The following ESRP1 variants were observed in gnomAD, a reference collection of about 807,000 sequenced individuals.
The protein encoded by ESRP1 is epithelial splicing regulatory protein 1.
Under a neutral mutation model 81.7 loss-of-function variants are expected in ESRP1, and 33 were observed. The observed-to-expected ratio is 0.40, with a 90% confidence interval of 0.31 to 0.54. ESRP1 has a LOEUF of 0.54. Among genes scored for constraint, ESRP1 ranks in the 20% least tolerant of loss-of-function variants. ESRP1 has a pLI of 0.41. For missense variants in ESRP1, 672 were observed against 833.1 expected, an observed-to-expected ratio of 0.81 and a Z score of 2.38; for synonymous variants, 320 against 303.3, an observed-to-expected ratio of 1.06 and a Z score of -0.57.
chr8:94,645,219 A>G (rs1259852238), intron 3 of ESRP1, among the ~76,000 whole-genome samples: 1 of 152,168 alleles, frequency 6.6e-6, no homozygotes, highest in Non-Finnish European at 1.5e-5. Context: ...GGTCACATCT[A>G]GTAAAATCCA....
intron 9 of ESRP1, among the ~76,000 whole-genome samples, chr8:94,665,891 A>G (rs79843367): frequency 3.6e-4 from 55 of 152,280 alleles, no homozygotes; most frequent in African/African-American, 1.2e-3. Flanking sequence ...TTTTTCTCTA[A>G]ACTTAACACA....
At chr8:94,679,721 G>T (rs1808796873) in intron 13 of ESRP1, among the ~76,000 whole-genome samples, 1 of 152,086 alleles carries the variant, frequency 6.6e-6, no homozygotes, top group South Asian at 2.1e-4. Context: ...GAGTATAGGA[G>T]TGTAGTGAGT....
Position 94,642,001 on chromosome 8 carries a change from C to T in ESRP1, c.178C>T (p.Leu60=), listed in dbSNP as rs777010885. The T allele has an allele frequency of 6.2e-7, 1 of 1,614,034 alleles. No homozygotes were observed. The highest frequency in any genetic ancestry group is 1.1e-5 in the South Asian group (1 of 91,090). Residue 60 remains leucine (L), a synonymous_variant, in exon 2 of 16, where the codon CTG becomes TTG. Coordinates refer to ENST00000433389, the MANE Select transcript of ESRP1 (RefSeq NM_017697.4). Reference sequence around the variant, plus strand: ...GCTAGTTAGACCGGATCAGTTGGAACTGACGGAGGACTGCAAAGAAGAAAC... The same window carrying T: ...GCTAGTTAGACCGGATCAGTTGGAATTGACGGAGGACTGCAAAGAAGAAAC... ...EVLVRPDQLE[L]TEDCKEETKI...
intron 13 of ESRP1, among the ~76,000 whole-genome samples, chr8:94,681,097 G>A (rs1041129239): frequency 6.6e-6 from 1 of 151,592 alleles, no homozygotes; most frequent in Non-Finnish European, 1.5e-5. Context: ...AGGCCAAGGT[G>A]GACGGATCAC....
rs9297944 is a variant in ESRP1 at position 94,657,472 on chromosome 8, C to CGTGTGTGTGTGTGT, written c.491-4781_491-4768dup. Reference sequence around the variant, plus strand: ...GAAACTGGCCTATTGAGGCTGTGTGCGTGTGTGTGTGTGTGTGTGTGTGTG... The same window carrying CGTGTGTGTGTGTGT: ...GAAACTGGCCTATTGAGGCTGTGTGCGTGTGTGTGTGTGTGTGTGTGTGTGTGTGTGTGTGTGTG... On this transcript the variant is annotated intron_variant, in intron 4 of 15. Transcript: ENST00000433389. Among the ~76,000 whole-genome samples, 660 of 146,262 alleles carry CGTGTGTGTGTGTGT rather than the reference C, an allele frequency of 4.5e-3. 7 individuals carry two copies. The highest frequency in any genetic ancestry group is 6.7e-3 in the African/African-American group (264 of 39,114).
At chr8:94,659,177 G>A (rs1349226228) in intron 4 of ESRP1, among the ~76,000 whole-genome samples, 1 of 151,988 alleles carries the variant, frequency 6.6e-6, no homozygotes, top group Non-Finnish European at 1.5e-5. Flanking sequence ...CACCGTGTCT[G>A]GCCAGTTTTG....
chr8:94,687,144 G>T (rs988420951), intron 13 of ESRP1, among the ~76,000 whole-genome samples: 2 of 151,986 alleles, frequency 1.3e-5, no homozygotes, highest in Non-Finnish European at 2.9e-5. Flanking sequence ...ACTCCCATTT[G>T]CCTGTCCTCT....
At position 94,641,646 on chromosome 8, in the gene ESRP1, C is replaced by T; in HGVS notation, c.132+196C>T. ...CTGCCTTGGAGCCATTTCAGTCCTC[C>T]GCAACTTAGCTCAGGTGGAGAGGCC... On this transcript the variant is annotated intron_variant, in intron 1 of 15. Transcript: ENST00000433389. The T allele has an allele frequency of 3.7e-6, 3 of 803,714 alleles. No individual in the cohort carries two copies. The South Asian group carries it at 5.6e-5, about 15-fold the overall frequency. 49.8% of individuals were successfully genotyped at this position (803,714 alleles called of 1,614,324 possible). A position where few individuals can be genotyped will look rare whatever the true frequency, so the allele number is the denominator to read the frequency against.
At chr8:94,649,823 T>C (rs971371148) in intron 4 of ESRP1, among the ~76,000 whole-genome samples, 2 of 152,168 alleles carry the variant, frequency 1.3e-5, no homozygotes, top group Admixed American at 1.3e-4. Context: ...CCAACTTTAT[T>C]TTTTAGACCA....
At chr8:94,652,468 G>A in intron 4 of ESRP1, among the ~76,000 whole-genome samples, 1 of 147,884 alleles carries the variant, frequency 6.8e-6, no homozygotes, top group Admixed American at 6.7e-5. Context: ...ATAGGGACGG[G>A]GGCTTCTGTG....
chr8:94,672,409 T>C (rs1819372481), intron 11 of ESRP1, among the ~76,000 whole-genome samples: 1 of 152,208 alleles, frequency 6.6e-6, no homozygotes, highest in Admixed American at 6.5e-5. Context: ...TCCTAGCTTA[T>C]TGTCACCTAA....
chr8:94,701,530 C>T (rs1250744119), intron 15 of ESRP1, among the ~76,000 whole-genome samples: 3 of 152,132 alleles, frequency 2.0e-5, no homozygotes, highest in African/African-American at 7.2e-5. Flanking sequence ...AATGCTTCCT[C>T]AGATCGCCAG....
chr8:94,673,959 C>T lies in ESRP1; in HGVS notation c.1453-349C>T, dbSNP rs76168376. Among the ~76,000 whole-genome samples the T allele has an allele frequency of 3.1e-3, 471 of 152,220 alleles. 3 individuals carry two copies. Among genetic ancestry groups the T allele is most frequent in the African/African-American group, 0.011 (450 of 41,546 alleles). On this transcript the variant is annotated intron_variant, in intron 11 of 15. Coordinates refer to ENST00000433389, the MANE Select transcript of ESRP1 (RefSeq NM_017697.4). ...TTTTCTCAATTGAATGAGATTTAAT[C>T]GAATTTTTCAGAAGAGAAAAAAACT... is the stretch of plus-strand genomic sequence containing the variant.
At chr8:94,688,772 A>G (rs964454374) in intron 13 of ESRP1, among the ~76,000 whole-genome samples, 3 of 152,098 alleles carry the variant, frequency 2.0e-5, no homozygotes, top group Non-Finnish European at 4.4e-5. Flanking sequence ...GTAGCTTTGT[A>G]GTATGTTTTG....
chr8:94,646,059 A>G (rs57931254), intron 3 of ESRP1, 109 bp from the exon 4 acceptor site: 1 of 570,290 alleles, frequency 1.8e-6, no homozygotes, highest in African/African-American at 1.9e-5. Flanking sequence ...TAAATTTTAA[A>G]TTTTTCCATT....
intron 13 of ESRP1, among the ~76,000 whole-genome samples, chr8:94,689,249 CAAAAAAAA>C (rs56220336): frequency 0.025 from 2,497 of 98,918 alleles, 80 homozygotes; most frequent in African/African-American, 0.1. Context: ...ACTCAGTCTC[CAAAAAAAA>C]AAAAAAAAAA....
Position 94,697,687 on chromosome 8 carries a change from T to A in ESRP1, c.*35+726T>A, listed in dbSNP as rs530011997. Among the ~76,000 whole-genome samples, 9 of 152,370 alleles carry A rather than the reference T, an allele frequency of 5.9e-5. No homozygotes were observed. In the South Asian group the frequency reaches 1.9e-3, roughly 32 times the overall value. ...GTATAATTATTTGAATATCTGTTTTTAATTATCTTTGGTGTGTACCCAGGA... is the reference window on the plus strand; with the variant it reads ...GTATAATTATTTGAATATCTGTTTTAAATTATCTTTGGTGTGTACCCAGGA... On this transcript the variant is annotated intron_variant, in intron 15 of 15. Coordinates refer to ENST00000433389, the MANE Select transcript of ESRP1 (RefSeq NM_017697.4).
chr8:94,701,299 G>A (rs997415716), intron 15 of ESRP1, among the ~76,000 whole-genome samples: 3 of 150,094 alleles, frequency 2.0e-5, no homozygotes, highest in Non-Finnish European at 4.4e-5. Context: ...AGAATTGAGC[G>A]ATTGATCTCA....
chr8:94,689,134 C>A (rs1809265828), intron 13 of ESRP1, among the ~76,000 whole-genome samples: 1 of 151,450 alleles, frequency 6.6e-6, no homozygotes, highest in Non-Finnish European at 1.5e-5. Context: ...GCTTGTAATC[C>A]CAGGTACTTG....
Sources: gnomAD v4.1 joint callset for allele counts (sites outside exome capture counted in the v4.1 genomes callset) on GRCh38, gnomAD v4.1.1 for gene constraint, MANE v1.5 for transcripts, NCBI Gene and HGNC (gene_info 2026-07-23, HGNC 2026-07-21) for gene names.